Variants in LMF1 observed in about 807,000 individuals in gnomAD.
LMF1 encodes lipase maturation factor 1, also known as transmembrane protein 112.
In LMF1, 68 loss-of-function variants were observed where a neutral mutation model predicts 60.6. The observed-to-expected ratio is 1.12, with a 90% confidence interval of 0.92 to 1.37. The LOEUF is 1.37. Among genes scored for constraint, LMF1 ranks in the 40% most tolerant of loss-of-function variants. The pLI, the probability that LMF1 is intolerant of heterozygous loss-of-function variation, is 0.00. For missense variants in LMF1, 948 were observed against 767.2 expected (o/e 1.24, Z -2.78); for synonymous variants, 418 against 324.7 (o/e 1.29, Z -3.09).
In LMF1 at chr16:870,758, G is replaced by A. The variant is rs573095562; in HGVS notation, c.1203C>T (p.His401=). 49 of 1,613,058 alleles carry A rather than the reference G, an allele frequency of 3.0e-5. 1 individual carries two copies. The South Asian group carries it at 5.3e-4, about 17-fold the overall frequency. ...QVMNTHFNSL[H]IVNTYGAFGS... is the part of the protein sequence containing the mutation. ...CGAAGGCCCCGTAAGTGTTGACGATGTGAAGAGAGTTGAAGTGGGTGTTCA... is the reference window on the plus strand; with the variant it reads ...CGAAGGCCCCGTAAGTGTTGACGATATGAAGAGAGTTGAAGTGGGTGTTCA... The change falls in exon 8 of 11, where the codon CAC becomes CAT. Residue 401 remains histidine, a synonymous_variant. Transcript: ENST00000262301.
At chr16:976,597 CATT>C (rs369786335) in intron 1 of LMF1, 309 of 454,114 alleles carry the variant, frequency 6.8e-4, no homozygotes, top group African/African-American at 5.6e-3. Context: ...ACCCTCTGCC[CATT>C]ATCAGACGAG....
Position 870,400 on chromosome 16 carries a change from T to G in LMF1, c.1232+329A>C, listed in dbSNP as rs77132650. On this transcript the variant is annotated intron_variant, in intron 8 of 10. Transcript: ENST00000262301. ...CCCCAGGACAGGGAGGGTGCCTGTGTTCAGGTGGCACTACCTGGCATTCCC... is the reference window on the plus strand; with the variant it reads ...CCCCAGGACAGGGAGGGTGCCTGTGGTCAGGTGGCACTACCTGGCATTCCC... Among the ~76,000 whole-genome samples the G allele has an allele frequency of 2.1e-3, 313 of 152,294 alleles. 2 individuals are homozygous for G. Among genetic ancestry groups the G allele is most frequent in the African/African-American group, 7.1e-3 (296 of 41,570 alleles).
intron 1 of LMF1, among the ~76,000 whole-genome samples, chr16:964,964 G>A (rs1315414808): frequency 6.6e-6 from 1 of 152,226 alleles, no homozygotes; most frequent in Non-Finnish European, 1.5e-5. Context: ...AGTGCGGCAC[G>A]CATGCCTCCA....
intron 4 of LMF1, chr16:901,487 A>C (rs1358944937): frequency 6.6e-6 from 1 of 151,882 alleles, no homozygotes; most frequent in Non-Finnish European, 1.5e-5. Context: ...AAGAAAGGGG[A>C]AATTATTTTT....
intron 10 of LMF1, among the ~76,000 whole-genome samples, chr16:867,636 G>A (rs2069648376): frequency 6.6e-6 from 1 of 152,220 alleles, no homozygotes; most frequent in African/African-American, 2.4e-5. Flanking sequence ...GTCACCTGGA[G>A]CTTGATGCCA....
chr16:976,916 A>G (rs745966177), intron 1 of LMF1: 1 of 454,148 alleles, frequency 2.2e-6, no homozygotes, highest in South Asian at 1.6e-5. Flanking sequence ...TTCACGGATC[A>G]GGAGGCTCCC....
rs186407241 is a variant in LMF1, at chr16:908,326, G to A, written c.663+2605C>T. Among the ~76,000 whole-genome samples, 7 of 152,260 alleles carry A rather than the reference G, an allele frequency of 4.6e-5. No individual in the cohort carries two copies. The East Asian group carries it at 9.6e-4, about 21-fold the overall frequency. On this transcript the variant is annotated intron_variant, in intron 4 of 10. Coordinates refer to ENST00000262301, the MANE Select transcript of LMF1 (RefSeq NM_022773.4). ...CGGAGACAGCATCCCACTTTCCTGC[G>A]CGATCTGGATGCCGGGTTGCAGCTA...
In LMF1 at chr16:879,557, G is replaced by A. The variant is rs377133611; in HGVS notation, c.897+13C>T. On this transcript the variant is annotated intron_variant, in intron 6 of 10. Coordinates refer to ENST00000262301, the MANE Select transcript of LMF1 (RefSeq NM_022773.4). ...TCTGTGGACACGGGGCAGGGCGGGC[G>A]GCGCGGGCTCACCTGGAACAGGATC... The A allele has an allele frequency of 8.1e-5, 130 of 1,611,236 alleles. No homozygotes were observed. The highest frequency in any genetic ancestry group is 3.3e-4 in the Middle Eastern group (2 of 6,050).
At chr16:954,186 T>C in intron 2 of LMF1, 171 bp downstream of exon 2, 1 of 740,936 alleles carries the variant, frequency 1.3e-6, no homozygotes, top group Non-Finnish European at 2.4e-6. Context: ...GGGTGGCTGC[T>C]GTGGCTGGTG....
chr16:870,854 G>C lies in LMF1; in HGVS notation c.1107C>G (p.Val369=). Residue 369 remains valine, a synonymous_variant, in exon 8 of 11, where the codon GTC becomes GTG. Transcript: ENST00000262301. ...GCCAGGCCAGCAGGACGCCCAGCGA[G>C]ACGTTGGCTGCACGCCGCACCACGG... The part of the protein sequence containing the change: ...FGSVVRRAAN[V]SLGVLLAWLS... The C allele has an allele frequency of 1.2e-6, 2 of 1,610,698 alleles. No individual in the cohort carries two copies. The highest frequency in any genetic ancestry group is 1.7e-6 in the Non-Finnish European group (2 of 1,179,720).
At position 854,601 on chromosome 16, in the gene LMF1, AG is replaced by A; in HGVS notation, c.1634del (p.Pro545LeufsTer8). On this transcript the variant is annotated frameshift_variant, in exon 11 of 11. Transcript: ENST00000262301. LOFTEE classifies it low-confidence loss of function (END_TRUNC). The stretch of plus-strand genomic sequence containing the variant: ...GCCTCAGCTCCTCCAGGCTGAGCGG[AG>A]GGAAGTAGGCTCCGATCCTCTTCCG... The part of the protein sequence containing the change: ...WVRKRIGAYF[P>X]PLSLEELRPY... The A allele has an allele frequency of 6.2e-7, 1 of 1,606,888 alleles. No homozygotes were observed. Among genetic ancestry groups the A allele is most frequent in the Non-Finnish European group, 8.5e-7 (1 of 1,178,212 alleles).
rs748706054 is a variant in LMF1 at position 893,038 on chromosome 16, C to T, written c.698G>A (p.Arg233Gln). The T allele has an allele frequency of 9.0e-6, 14 of 1,552,384 alleles. No individual in the cohort carries two copies. Among genetic ancestry groups the T allele is most frequent in the Middle Eastern group, 1.7e-4 (1 of 5,986 alleles). ...GTGGAAGTCCATGCAGGTGAGGTCT[C>T]GCCAGCACCGGTCCCCCCGGATCTT... Reference protein sequence around the residue: ...LIKIRGDRCWRDLTCMDFHYE... With the variant: ...LIKIRGDRCWQDLTCMDFHYE... The change falls in exon 5 of 11, where the codon CGA becomes CAA. Residue 233 changes from arginine (R) to glutamine (Q), a missense_variant. Physicochemically the swap from Arg to Gln is conservative, Grantham distance 43. Transcript: ENST00000262301.
intron 4 of LMF1, chr16:900,732 T>TGTGTGTGTGTGTGTG (rs2070790147): frequency 2.0e-5 from 3 of 146,938 alleles, no homozygotes; most frequent in Non-Finnish European, 4.5e-5. Context: ...TGTGTGTGTG[T>TGTGTGTGTGTGTGTG]TTTAGTACAG....
intron 6 of LMF1, among the ~76,000 whole-genome samples, chr16:876,662 G>A (rs1356346466): frequency 2.0e-5 from 3 of 152,080 alleles, no homozygotes; most frequent in Non-Finnish European, 2.9e-5. Flanking sequence ...AGCAAAGGAC[G>A]CAAGTGGCTT....
intron 5 of LMF1, chr16:881,580 G>A (rs917700465): frequency 6.6e-6 from 1 of 152,300 alleles, no homozygotes; most frequent in East Asian, 1.9e-4. Context: ...GGACTTAGAA[G>A]GCAGCAGATC....
chr16:860,061 G>GT (rs1448040288), intron 10 of LMF1, among the ~76,000 whole-genome samples: 2 of 144,198 alleles, frequency 1.4e-5, no homozygotes, highest in Non-Finnish European at 2.9e-5. Flanking sequence ...CTTCTTTGGT[G>GT]AAACGTCTCT....
At chr16:902,236 G>A (rs913446154) in intron 4 of LMF1, 2 of 152,464 alleles carry the variant, frequency 1.3e-5, no homozygotes, top group African/African-American at 2.4e-5. Flanking sequence ...GGAGTGAGAC[G>A]GAGCAAGTAC....
intron 10 of LMF1, chr16:855,758 G>A (rs748423955): frequency 4.4e-6 from 2 of 456,048 alleles, no homozygotes; most frequent in Admixed American, 2.3e-5. Context: ...CCAGGCAGGT[G>A]CCAGAGGCTT....
intron 4 of LMF1, chr16:903,509 C>T (rs28703112): frequency 2.3e-5 from 2 of 85,750 alleles, no homozygotes; most frequent in Non-Finnish European, 3.9e-5. Flanking sequence ...GTGGTGACCT[C>T]TGCACTGCCC....
Sources: allele counts gnomAD v4.1 joint callset (sites outside exome capture counted in the v4.1 genomes callset), GRCh38; gene constraint gnomAD v4.1.1; transcripts MANE v1.5; gene names NCBI Gene and HGNC (gene_info 2026-07-23, HGNC 2026-07-21).